The following EXOC1 variants were observed in gnomAD, a reference collection of about 807,000 sequenced individuals.
The protein encoded by EXOC1 is exocyst complex component 1.
In EXOC1, 67 loss-of-function variants were observed where a neutral mutation model predicts 107.7. The ratio of observed to expected loss-of-function variants is 0.62; its 90% confidence interval spans 0.51 to 0.76. The LOEUF is 0.76. Ranked by LOEUF, EXOC1 falls within the 30% of genes least tolerant of loss-of-function variation. The pLI is 0.00. For missense variants in EXOC1, 833 were observed against 1,055.7 expected, an observed-to-expected ratio of 0.79 and a Z score of 2.92; for synonymous variants, 348 against 353.5, an observed-to-expected ratio of 0.98 and a Z score of 0.17.
At chr4:55,890,066 G>A (rs532400228) in intron 11 of EXOC1, among the ~76,000 whole-genome samples, 157 bp from the exon 12 acceptor site, 2 of 152,082 alleles carry the variant, frequency 1.3e-5, no homozygotes, top group African/African-American at 4.8e-5. Context: ...GGAAGATAAG[G>A]AAACTATACC....
At chr4:55,881,309 TAGC>T (rs1305890169) in intron 9 of EXOC1, among the ~76,000 whole-genome samples, 2 of 152,166 alleles carry the variant, frequency 1.3e-5, no homozygotes, top group African/African-American at 4.8e-5. Flanking sequence ...CCTCTCCTAA[TAGC>T]CTCCTGAGAT....
chr4:55,894,911 C>T (rs989698210), intron 15 of EXOC1, among the ~76,000 whole-genome samples: 21 of 151,940 alleles, frequency 1.4e-4, no homozygotes, highest in African/African-American at 3.4e-4. Flanking sequence ...CAAGAGACAC[C>T]GGCCATCTAT....
intron 8 of EXOC1, chr4:55,877,008 T>C (rs982683584): frequency 5.1e-6 from 5 of 985,216 alleles, no homozygotes; most frequent in Non-Finnish European, 6.0e-6. Context: ...CAGAAATGTT[T>C]CCTTCTGAAT....
chr4:55,892,320 T>G (rs951503996), intron 13 of EXOC1, among the ~76,000 whole-genome samples: 1 of 152,112 alleles, frequency 6.6e-6, no homozygotes, highest in Admixed American at 6.6e-5. Context: ...TTGTGGTGGT[T>G]GTTGTCAAGC....
intron 10 of EXOC1, among the ~76,000 whole-genome samples, chr4:55,887,316 G>A (rs895745134): frequency 2.6e-5 from 4 of 151,962 alleles, no homozygotes; most frequent in South Asian, 2.1e-4. Context: ...CCAAAGAGTC[G>A]TGAATACAAT....
At chr4:55,858,885 G>T (rs1721226030) in intron 2 of EXOC1, among the ~76,000 whole-genome samples, 1 of 152,052 alleles carries the variant, frequency 6.6e-6, no homozygotes, top group Non-Finnish European at 1.5e-5. Flanking sequence ...GCCTGTTAAT[G>T]AAATTTATAA....
chr4:55,877,349 T>C (rs1722995373), intron 8 of EXOC1: 2 of 985,310 alleles, frequency 2.0e-6, no homozygotes, highest in Non-Finnish European at 2.4e-6. Context: ...CTGTCTTGGT[T>C]TGCCTTTTGC....
chr4:55,893,544 C>A lies in EXOC1; in HGVS notation c.1725-8C>A, dbSNP rs751607358. 2 of 1,609,464 alleles carry A rather than the reference C, an allele frequency of 1.2e-6. No homozygotes were observed. Among genetic ancestry groups the A allele is most frequent in the Middle Eastern group, 1.7e-4 (1 of 6,058 alleles). On this transcript the variant is annotated splice_polypyrimidine_tract_variant and splice_region_variant and intron_variant, in intron 14 of 18. Transcript: ENST00000381295. ...TAACTTTATACTTCTTGTCTGTTTTCTGAACAGGAAAGATATGATCCGCCA... is the reference window on the plus strand; with the variant it reads ...TAACTTTATACTTCTTGTCTGTTTTATGAACAGGAAAGATATGATCCGCCA...
In EXOC1 at chr4:55,860,559, C is replaced by CT; in HGVS notation, c.255+21dup. The CT allele has an allele frequency of 6.2e-7, 1 of 1,612,824 alleles. No homozygotes were observed. Among genetic ancestry groups the CT allele is most frequent in the Non-Finnish European group, 8.5e-7 (1 of 1,179,178 alleles). ...CTATCAAAGTAGGTTTTTCTCAGTT[C>CT]TTTGACCTGTGTTCAGAAAGCATCT... On this transcript the variant is annotated intron_variant, in intron 3 of 18. Transcript: ENST00000381295.
intron 5 of EXOC1, 22 bp from the exon 6 acceptor site, chr4:55,870,656 G>GTTTC (rs1326557979): frequency 1.3e-6 from 2 of 1,578,540 alleles, no homozygotes; most frequent in Non-Finnish European, 1.7e-6. Context: ...TTGTTTGTTT[G>GTTTC]TTTTGGTCTT....
intron 9 of EXOC1, among the ~76,000 whole-genome samples, chr4:55,878,549 A>G (rs1723104756): frequency 6.6e-6 from 1 of 152,232 alleles, no homozygotes; most frequent in South Asian, 2.1e-4. Flanking sequence ...AACAATCAGC[A>G]AAAAATTAAA....
chr4:55,868,770 C>A, intron 5 of EXOC1: 1 of 337,588 alleles, frequency 3.0e-6, no homozygotes. Flanking sequence ...TATGAAGTGA[C>A]TGGAGTAAAA....
At chr4:55,868,922 T>C (rs1027448163) in intron 5 of EXOC1, among the ~76,000 whole-genome samples, 12 of 152,092 alleles carry the variant, frequency 7.9e-5, no homozygotes, top group African/African-American at 2.2e-4. Flanking sequence ...AAGAGAGAAA[T>C]GTGGCTGAAA....
rs767134974 is a variant in EXOC1, at chr4:55,858,459, G to A, written c.124+12G>A. 1.3e-6 allele frequency: 2 copies of A among 1,573,368 alleles called. No individual in the cohort carries two copies. The highest frequency in any genetic ancestry group is 4.6e-5 in the East Asian group (2 of 43,764). ...TTTATGTGCCACAGGTGGGTATTTA[G>A]TAAGAAAGAGTACTTGTTTTGTATC... On this transcript the variant is annotated intron_variant, in intron 2 of 18. Transcript: ENST00000381295.
intron 10 of EXOC1, among the ~76,000 whole-genome samples, chr4:55,886,107 A>G (rs1480826388): frequency 6.6e-6 from 1 of 152,210 alleles, no homozygotes; most frequent in Non-Finnish European, 1.5e-5. Context: ...ACTTTATTAT[A>G]AAACAGGCTT....
Position 55,891,348 on chromosome 4 carries a change from C to T in EXOC1, c.1573C>T (p.Leu525=). 6.2e-7 allele frequency: 1 copy of T among 1,613,972 alleles called. No individual in the cohort carries two copies. Among genetic ancestry groups the T allele is most frequent in the South Asian group, 1.1e-5 (1 of 91,086 alleles). ...FEQVLSELEP[L]CLAEQDFISK... ...ACAGGTACTAAGTGAACTGGAGCCC[C>T]TATGTCTGGCAGAACAGGACTTCAT... Residue 525 remains leucine, a synonymous_variant, in exon 13 of 19, where the codon CTA becomes TTA. Coordinates refer to ENST00000381295, the MANE Select transcript of EXOC1 (RefSeq NM_001024924.2).
chr4:55,861,131 C>T (rs898547423), intron 3 of EXOC1, among the ~76,000 whole-genome samples: 1 of 152,098 alleles, frequency 6.6e-6, no homozygotes, highest in Non-Finnish European at 1.5e-5. Context: ...CCTGACAGTT[C>T]AAAGCTTTCA....
At chr4:55,875,902 TAATAAA>T in intron 8 of EXOC1, 1 of 897,644 alleles carries the variant, frequency 1.1e-6, no homozygotes. Context: ...CCATCTCTAT[TAATAAA>T]AATAAATTTT....
At chr4:55,862,328 T>C (rs1721553921) in intron 3 of EXOC1, among the ~76,000 whole-genome samples, 1 of 151,778 alleles carries the variant, frequency 6.6e-6, no homozygotes, top group Non-Finnish European at 1.5e-5. Context: ...TTTTTTTTTT[T>C]GCATTTTATG....
Sources: gnomAD v4.1 joint callset for allele counts (sites outside exome capture counted in the v4.1 genomes callset) on GRCh38, gnomAD v4.1.1 for gene constraint, MANE v1.5 for transcripts, NCBI Gene and HGNC (gene_info 2026-07-23, HGNC 2026-07-21) for gene names.